WDPCP: variants seen among roughly 807,000 people sequenced by gnomAD.
WDPCP encodes WD repeat containing planar cell polarity effector.
Under a neutral mutation model 93.1 loss-of-function variants are expected in WDPCP, and 71 were observed. That is an observed-to-expected ratio of 0.76 (90% CI 0.63 to 0.93). The LOEUF (loss-of-function observed/expected upper bound fraction) is 0.93, where lower values mean the gene tolerates loss of function less well. WDPCP is among the 40% of genes least tolerant of loss of function. WDPCP has a pLI of 0.00. For synonymous variants in WDPCP, 315 were observed against 315.0 expected (o/e 1.00, Z 0.00); for missense variants, 844 against 887.4 (o/e 0.95, Z 0.62).
At chr2:63,600,907 A>G (rs1214811684) in intron 3 of WDPCP, among the ~76,000 whole-genome samples, 1 of 152,226 alleles carries the variant, frequency 6.6e-6, no homozygotes, top group Non-Finnish European at 1.5e-5. Flanking sequence ...CTACAACAAG[A>G]AAGTTCCTAC....
chr2:63,122,926 A>G (rs1328091794), intron 17 of WDPCP, among the ~76,000 whole-genome samples: 1 of 152,126 alleles, frequency 6.6e-6, no homozygotes, highest in East Asian at 1.9e-4. Flanking sequence ...AGCCTTTCAG[A>G]AAGTCTGCAT....
At chr2:63,194,773 G>T (rs1169272692) in intron 14 of WDPCP, among the ~76,000 whole-genome samples, 1 of 152,016 alleles carries the variant, frequency 6.6e-6, no homozygotes, top group African/African-American at 2.4e-5. Context: ...GCATATCACA[G>T]GAAAAAGTAG....
chr2:63,808,980 G>C (rs892687730), intron 2 of WDPCP, among the ~76,000 whole-genome samples: 1 of 151,504 alleles, frequency 6.6e-6, no homozygotes, highest in African/African-American at 2.4e-5. Flanking sequence ...TGTGGGGAGC[G>C]CCTCTGCCCT....
chr2:63,777,134 G>C (rs1224175002), intron 2 of WDPCP, among the ~76,000 whole-genome samples: 1 of 152,004 alleles, frequency 6.6e-6, no homozygotes, highest in Non-Finnish European at 1.5e-5. Context: ...ACCATGATTT[G>C]ACCATTATAC....
chr2:63,484,925 CTT>C lies in WDPCP; in HGVS notation c.314_315del (p.Lys105ArgfsTer47). ...RRPEKLRDSL[K>X]ELEELMQNSR... ...AACTTTTTGAAAGATACCTCCAACT[CTT>C]TGAGCGAGTCTCGGAGTTTTTCTGG... On this transcript the variant is annotated frameshift_variant, in exon 5 of 18. Coordinates refer to ENST00000272321, the MANE Select transcript of WDPCP (RefSeq NM_015910.7). LOFTEE classifies it high-confidence loss of function. 1.2e-6 allele frequency: 2 copies of C among 1,612,534 alleles called. No individual in the cohort carries two copies. The highest frequency in any genetic ancestry group is 3.3e-5 in the Admixed American group (2 of 59,784).
At chr2:63,366,835 TACAC>T (rs1311828819) in intron 12 of WDPCP, among the ~76,000 whole-genome samples, 2 of 152,048 alleles carry the variant, frequency 1.3e-5, no homozygotes, top group Non-Finnish European at 2.9e-5. Context: ...ACATAAAACA[TACAC>T]ACATCACACA....
chr2:63,334,237 A>C (rs1688190307), intron 12 of WDPCP, among the ~76,000 whole-genome samples: 1 of 152,158 alleles, frequency 6.6e-6, no homozygotes, highest in South Asian at 2.1e-4. Context: ...CACCTTGTGA[A>C]CCCTGAATAT....
intron 1 of WDPCP, among the ~76,000 whole-genome samples, chr2:63,507,645 G>A (rs1461667735): frequency 6.6e-6 from 1 of 152,016 alleles, no homozygotes; most frequent in Non-Finnish European, 1.5e-5. Context: ...CCGAGCTAAA[G>A]GGGCATGTTC....
At chr2:63,636,890 C>G (rs1409181681) in intron 3 of WDPCP, among the ~76,000 whole-genome samples, 1 of 152,166 alleles carries the variant, frequency 6.6e-6, no homozygotes, top group Non-Finnish European at 1.5e-5. Flanking sequence ...GAAACTGTAT[C>G]CCCACTTTAC....
intron 14 of WDPCP, among the ~76,000 whole-genome samples, chr2:63,190,345 G>A (rs1250092392): frequency 6.6e-6 from 1 of 150,752 alleles, no homozygotes; most frequent in Non-Finnish European, 1.5e-5. Flanking sequence ...AATGGGAGGA[G>A]CACCTGACCT....
At chr2:63,158,973 CAAAAA>C (rs34001322) in intron 15 of WDPCP, among the ~76,000 whole-genome samples, 6 of 61,140 alleles carry the variant, frequency 9.8e-5, no homozygotes, top group Non-Finnish European at 1.4e-4. Flanking sequence ...CTCATCTCTA[CAAAAA>C]AAAAAAAAAA....
intron 1 of WDPCP, among the ~76,000 whole-genome samples, chr2:63,547,957 GTTAAATA>G (rs1705279978): frequency 6.6e-6 from 1 of 151,896 alleles, no homozygotes; most frequent in African/African-American, 2.4e-5. Flanking sequence ...CTACCATAAA[GTTAAATA>G]TTTAAGGTGA....
intron 14 of WDPCP, among the ~76,000 whole-genome samples, chr2:63,209,081 A>G (rs1384973481): frequency 6.6e-6 from 1 of 152,198 alleles, no homozygotes; most frequent in Non-Finnish European, 1.5e-5. Flanking sequence ...CTGGGCCAGT[A>G]AAAAACAAAA....
At chr2:63,439,652 G>T in intron 7 of WDPCP, 105 bp downstream of exon 7, 2 of 946,126 alleles carry the variant, frequency 2.1e-6, no homozygotes, top group South Asian at 1.5e-5. Flanking sequence ...ATTACTTGTT[G>T]TGTTTGCAAG....
intron 15 of WDPCP, among the ~76,000 whole-genome samples, chr2:63,163,525 A>T (rs1672771198): frequency 6.6e-6 from 1 of 152,178 alleles, no homozygotes; most frequent in African/African-American, 2.4e-5. Context: ...TGCTTAGTAT[A>T]TTCTACATTT....
upstream of WDPCP, chr2:63,593,043 C>T: frequency 6.6e-6 from 1 of 151,456 alleles, no homozygotes; most frequent in East Asian, 1.9e-4. Context: ...ATGTAGTTGG[C>T]TATGATCAAA....
intron 1 of WDPCP, among the ~76,000 whole-genome samples, chr2:63,576,020 G>C (rs1002570325): frequency 9.9e-5 from 15 of 152,062 alleles, no homozygotes; most frequent in African/African-American, 3.4e-4. Context: ...ATTAGACACA[G>C]TATAGAGACA....
chr2:63,185,622 G>A (rs927600522), intron 14 of WDPCP, among the ~76,000 whole-genome samples: 1 of 152,166 alleles, frequency 6.6e-6, no homozygotes, highest in Non-Finnish European at 1.5e-5. Context: ...TAGGTCACAA[G>A]GAGCTCATCT....
intron 17 of WDPCP, among the ~76,000 whole-genome samples, chr2:63,135,017 G>T (rs1196503417): frequency 6.6e-6 from 1 of 152,102 alleles, no homozygotes; most frequent in Non-Finnish European, 1.5e-5. Context: ...TAGCTACCTG[G>T]GAGGCTCAGG....
Sources: gnomAD v4.1 joint callset for allele counts (sites outside exome capture counted in the v4.1 genomes callset) on GRCh38, gnomAD v4.1.1 for gene constraint, MANE v1.5 for transcripts, NCBI Gene and HGNC (gene_info 2026-07-23, HGNC 2026-07-21) for gene names.